PPFIA1: variants seen among roughly 807,000 people sequenced by gnomAD.
The protein encoded by PPFIA1 is liprin-alpha-1.
A neutral mutation model predicts 149.9 loss-of-function variants in PPFIA1; 25 were observed. That is an observed-to-expected ratio of 0.17 (90% CI 0.12 to 0.23). The LOEUF (loss-of-function observed/expected upper bound fraction) is 0.23. PPFIA1 is among the 10% of genes least tolerant of loss of function. PPFIA1 has a pLI of 1.00. For synonymous variants in PPFIA1, 549 were observed against 552.8 expected, an observed-to-expected ratio of 0.99 and a Z score of 0.10; for missense variants, 1,362 against 1,506.5, an observed-to-expected ratio of 0.90 and a Z score of 1.59.
In PPFIA1 at chr11:70,362,471, C is replaced by A. The variant is rs760445433; in HGVS notation, c.2848C>A (p.Pro950Thr). The A allele has an allele frequency of 6.2e-7, 1 of 1,612,942 alleles. No homozygotes were observed. The highest frequency in any genetic ancestry group is 1.7e-5 in the Admixed American group (1 of 59,958). Residue 950 changes from proline (P) to threonine (T), a missense_variant, in exon 21 of 28, where the codon CCG becomes ACG. Physicochemically the swap from Pro to Thr is conservative, Grantham distance 38. Around this residue, in one of 7 missense-constraint regions of PPFIA1, gnomAD observed 349 missense variants for 373.3 expected, o/e 0.93. Transcript: ENST00000253925. Reference protein sequence around the residue: ...EIMSLTSPSAPPTSRTTLAYG... With the variant: ...EIMSLTSPSATPTSRTTLAYG... ...CATGTCGCTGACCAGCCCGTCTGCC[C>A]CGCCCACATCTAGAACGGTACGTTC...
chr11:70,311,836 CTTTTTTTTTTTT>C (rs140584652), intron 2 of PPFIA1, among the ~76,000 whole-genome samples: 1 of 70,094 alleles, frequency 1.4e-5, no homozygotes, highest in South Asian at 5.0e-4. Context: ...AGTGAGTCAG[CTTTTTTTTTTTT>C]TTTTTTTTTT....
chr11:70,283,693 G>C (rs1338764441), intron 2 of PPFIA1, among the ~76,000 whole-genome samples: 1 of 147,680 alleles, frequency 6.8e-6, no homozygotes, highest in African/African-American at 2.5e-5. Context: ...CAGTAGAAAA[G>C]AACAACCTGG....
chr11:70,314,115 G>A (rs1466779928), intron 2 of PPFIA1, among the ~76,000 whole-genome samples: 2 of 152,230 alleles, frequency 1.3e-5, no homozygotes, highest in Admixed American at 6.5e-5. Flanking sequence ...TGCATAGGGT[G>A]AGCAGCAGAC....
intron 4 of PPFIA1, 55 bp downstream of exon 4, chr11:70,325,066 T>G: frequency 6.8e-7 from 1 of 1,464,336 alleles, no homozygotes; most frequent in Non-Finnish European, 9.1e-7. Flanking sequence ...TTAGGCCAGC[T>G]TCACAAGTGT....
chr11:70,321,997 G>A (rs1165527156), intron 2 of PPFIA1, among the ~76,000 whole-genome samples: 1 of 152,202 alleles, frequency 6.6e-6, no homozygotes, highest in Non-Finnish European at 1.5e-5. Flanking sequence ...AGCGTCCTGA[G>A]TAGCTGGGAT....
chr11:70,287,910 T>C (rs12278125), intron 2 of PPFIA1, among the ~76,000 whole-genome samples: 33,235 of 151,716 alleles, frequency 0.22, 5,536 homozygotes, highest in African/African-American at 0.46. Context: ...CCTCCCAGAG[T>C]GCTGGGATTA....
chr11:70,325,249 G>A (rs781142880), intron 4 of PPFIA1: 1 of 433,402 alleles, frequency 2.3e-6, no homozygotes, highest in African/African-American at 2.0e-5. Flanking sequence ...AAAAGTAATT[G>A]TGGGCAAAAC....
intron 2 of PPFIA1, among the ~76,000 whole-genome samples, chr11:70,288,230 C>T (rs1201846614): frequency 2.6e-5 from 4 of 152,060 alleles, no homozygotes; most frequent in Non-Finnish European, 4.4e-5. Flanking sequence ...CGCCACCATG[C>T]CCGGCTAATT....
chr11:70,323,352 C>G (rs1272305245), intron 2 of PPFIA1, among the ~76,000 whole-genome samples: 2 of 152,234 alleles, frequency 1.3e-5, no homozygotes, highest in Non-Finnish European at 2.9e-5. Flanking sequence ...TCTTACAGAG[C>G]CAGGGCACAG....
At chr11:70,326,848 C>T in intron 7 of PPFIA1, 30 bp downstream of exon 7, 2 of 1,564,884 alleles carry the variant, frequency 1.3e-6, no homozygotes, top group East Asian at 4.5e-5. Context: ...ACAGTCTTGT[C>T]ATGAAGTTGT....
chr11:70,310,678 C>A (rs561743832), intron 2 of PPFIA1, among the ~76,000 whole-genome samples: 1 of 152,270 alleles, frequency 6.6e-6, no homozygotes. Flanking sequence ...GCCACCACAC[C>A]CGGCCCCATG....
intron 2 of PPFIA1, among the ~76,000 whole-genome samples, chr11:70,287,182 C>T (rs1178815331): frequency 5.3e-5 from 8 of 151,992 alleles, no homozygotes; most frequent in African/African-American, 1.9e-4. Context: ...TGTACAGCTG[C>T]CTTTCCTTTG....
At position 70,287,011 on chromosome 11, in the gene PPFIA1, A is replaced by G. The variant is rs556644913; in HGVS notation, c.264+14575A>G. Among the ~76,000 whole-genome samples the G allele has an allele frequency of 5.3e-5, 8 of 152,004 alleles. No individual in the cohort carries two copies. The South Asian group carries it at 1.4e-3, about 28-fold the overall frequency. On this transcript the variant is annotated intron_variant, in intron 2 of 27. Transcript: ENST00000253925. ...CACACACACACACACACACACATAC[A>G]TATATGTAATTATTATTATTTTGTA...
chr11:70,371,908 C>T (rs905158029), intron 21 of PPFIA1: 50 of 199,488 alleles, frequency 2.5e-4, no homozygotes, highest in African/African-American at 1.1e-3. Flanking sequence ...ATCTTTGTCA[C>T]ATTATTATAC....
At chr11:70,286,630 C>T (rs1421942802) in intron 2 of PPFIA1, among the ~76,000 whole-genome samples, 1 of 152,140 alleles carries the variant, frequency 6.6e-6, no homozygotes, top group Non-Finnish European at 1.5e-5. Flanking sequence ...TGGAGGTTAC[C>T]CCTGAGGCCC....
rs943800063 is a variant in PPFIA1 at position 70,329,854 on chromosome 11, G to A, written c.931-319G>A. On this transcript the variant is annotated intron_variant, in intron 7 of 27. Coordinates refer to ENST00000253925, the MANE Select transcript of PPFIA1 (RefSeq NM_003626.5). ...GAGGTGGAAGGATCCCTTGAGCCTG[G>A]GAAGTCAAGGCTGTGGTGAGCCTTG... 3 of 240,902 alleles carry A rather than the reference G, an allele frequency of 1.2e-5. No homozygotes were observed. In the Admixed American group the frequency reaches 1.8e-4, roughly 14 times the overall value. 14.9% of individuals were successfully genotyped at this position (240,902 alleles called of 1,614,324 possible). A position where few individuals can be genotyped will look rare whatever the true frequency, so the allele number is the denominator to read the frequency against.
At chr11:70,279,917 G>GTGTGTGTGTGTGTGTGTGTGTGTGTGTA (rs1219576112) in intron 2 of PPFIA1, among the ~76,000 whole-genome samples, 8 of 151,624 alleles carry the variant, frequency 5.3e-5, no homozygotes, top group African/African-American at 1.7e-4. Context: ...GTGTGTGTGT[G>GTGTGTGTGTGTGTGTGTGTGTGTGTGTA]TATATTTTTG....
In PPFIA1 at chr11:70,362,138, G is replaced by A. The variant is rs139726690; in HGVS notation, c.2626G>A (p.Ala876Thr). The A allele has an allele frequency of 6.2e-7, 1 of 1,614,216 alleles. No individual in the cohort carries two copies. The highest frequency in any genetic ancestry group is 1.3e-5 in the African/African-American group (1 of 75,064). ...EEARRQGLPF[A>T]QWDGPTVVVW... is the part of the protein sequence containing the mutation. ...AGCCCGGAGACAAGGTTTACCTTTT[G>A]CCCAATGGGACGGGCCAACGGTTGT... Residue 876 changes from alanine (A) to threonine (T), a missense_variant, in exon 20 of 28, where the codon GCC becomes ACC. Physicochemically the swap from Ala to Thr is moderately conservative, Grantham distance 58. This residue lies in a region of PPFIA1 where 91 missense variants were observed against 91.2 expected (regional missense o/e 1.00). Coordinates refer to ENST00000253925, the MANE Select transcript of PPFIA1 (RefSeq NM_003626.5).
chr11:70,367,747 C>T lies in PPFIA1; in HGVS notation c.2866-4468C>T, dbSNP rs142058460. The stretch of plus-strand genomic sequence containing the variant: ...AAACAAGTAGGGTTCTGCTTCCATG[C>T]AGTTTTCTATTTAGACAATTCCTTT... On this transcript the variant is annotated intron_variant, in intron 21 of 27. Transcript: ENST00000253925. The T allele has an allele frequency of 9.7e-5, 36 of 371,586 alleles. No individual in the cohort carries two copies. The East Asian group carries it at 2.3e-3, about 23-fold the overall frequency. 23.0% of individuals were successfully genotyped at this position (371,586 alleles called of 1,614,324 possible).
Sources: allele counts gnomAD v4.1 joint callset (sites outside exome capture counted in the v4.1 genomes callset), GRCh38; gene constraint gnomAD v4.1.1; regional missense constraint gnomAD v4.1.1; transcripts MANE v1.5; gene names NCBI Gene and HGNC (gene_info 2026-07-23, HGNC 2026-07-21).